The following STRIP1 variants were observed in gnomAD, a reference collection of about 807,000 sequenced individuals.
STRIP1 encodes the protein striatin interacting protein 1, also known as striatin-interacting protein 1.
STRIP1 carries 63 observed loss-of-function variants against 106.2 expected under a neutral mutation model. The ratio of observed to expected loss-of-function variants is 0.59; its 90% CI spans 0.48 to 0.73. STRIP1 has a LOEUF of 0.73. STRIP1 is among the 30% of genes least tolerant of loss of function. The pLI, the probability that STRIP1 is intolerant of heterozygous loss-of-function variation, is 0.00. For synonymous variants in STRIP1, 390 were observed against 413.0 expected, an observed-to-expected ratio of 0.94 and a Z score of 0.67; for missense variants, 857 against 1,074.8, an observed-to-expected ratio of 0.80 and a Z score of 2.83.
intron 6 of STRIP1, 37 bp from the exon 7 acceptor site, chr1:110,041,499 C>A (rs1158074169): frequency 6.5e-7 from 1 of 1,530,284 alleles, no homozygotes; most frequent in Non-Finnish European, 9.1e-7. Context: ...TTTGACCCCC[C>A]CATCCCACTC....
intron 16 of STRIP1, 78 bp downstream of exon 16, chr1:110,049,316 G>A: frequency 6.2e-7 from 1 of 1,604,504 alleles, no homozygotes; most frequent in Non-Finnish European, 8.5e-7. Flanking sequence ...CAAGAACGGG[G>A]GCCTTGGCCT....
rs369352561 is a variant in STRIP1, at chr1:110,044,179, G to T, written c.1286+323G>T. Among the ~76,000 whole-genome samples the T allele has an allele frequency of 2.5e-3, 377 of 152,358 alleles. 2 individuals carry two copies. The highest frequency in any genetic ancestry group is 8.7e-3 in the African/African-American group (363 of 41,590). ...GCAAACATGTCTCCACCCATCCTGG[G>T]GTTGTGTATGGTTTTTAACAAAAAT... On this transcript the variant is annotated intron_variant, in intron 10 of 20. Transcript: ENST00000369795.
At chr1:110,045,217 C>T in intron 12 of STRIP1, 139 bp downstream of exon 12, 1 of 682,896 alleles carries the variant, frequency 1.5e-6, no homozygotes, top group South Asian at 1.8e-5. Context: ...TTTGCAATAA[C>T]CTTGCAAACA....
chr1:110,049,227 C>T lies in STRIP1; in HGVS notation c.1777C>T (p.His593Tyr). 1 of 1,614,160 alleles carries T rather than the reference C, an allele frequency of 6.2e-7. No homozygotes were observed. The highest frequency in any genetic ancestry group is 1.7e-4 in the Middle Eastern group (1 of 6,048). ...GCTGCTCAAGCACTTTAAGTTGAAC[C>T]ATGTCTACCAGGTACCCACAGGGCT... is the stretch of plus-strand genomic sequence containing the variant. ...LLLLKHFKLN[H>Y]VYQFEYMAQH... Residue 593 changes from histidine (H) to tyrosine (Y), a missense_variant, in exon 16 of 21, where the codon CAT (histidine) becomes TAT (tyrosine). Around this residue, in one of 2 missense-constraint regions of STRIP1, gnomAD observed 750 missense variants for 989.8 expected, o/e 0.76. Coordinates refer to ENST00000369795, the MANE Select transcript of STRIP1 (RefSeq NM_033088.4).
upstream of STRIP1, chr1:110,034,515 T>A (rs1652334275): frequency 2.5e-6 from 3 of 1,220,848 alleles, no homozygotes; most frequent in East Asian, 9.5e-5. Context: ...TCAGCCAAGA[T>A]GGCTTCTAAC....
At chr1:110,047,338 T>C (rs1290749586) in intron 13 of STRIP1, among the ~76,000 whole-genome samples, 1 of 152,216 alleles carries the variant, frequency 6.6e-6, no homozygotes, top group Non-Finnish European at 1.5e-5. Flanking sequence ...ATAATACCTT[T>C]ATAGGGTTAT....
intron 17 of STRIP1, 130 bp from the exon 18 acceptor site, chr1:110,050,213 C>A: frequency 1.2e-6 from 1 of 803,136 alleles, no homozygotes; most frequent in Non-Finnish European, 2.1e-6. Flanking sequence ...GGGTGGGACA[C>A]ATCAGGTAGA....
At chr1:110,034,069 T>C (rs1022797357), upstream of STRIP1, among the ~76,000 whole-genome samples, 2 of 152,258 alleles carry the variant, frequency 1.3e-5, no homozygotes, top group African/African-American at 4.8e-5. Flanking sequence ...ATTAGTGCCA[T>C]GAACAAATTT....
At chr1:110,034,491 T>A (rs553113096), upstream of STRIP1, 18 of 850,830 alleles carry the variant, frequency 2.1e-5, no homozygotes, top group Middle Eastern at 3.4e-4. Context: ...AGACAGAATA[T>A]CGCGAGGTAT....
intron 5 of STRIP1, chr1:110,039,865 G>T (rs1242776725): frequency 7.7e-7 from 1 of 1,298,836 alleles, no homozygotes; most frequent in Non-Finnish European, 1.0e-6. Flanking sequence ...TTGGCAGGAG[G>T]CCAGGCACAA....
In STRIP1 at chr1:110,051,730, G is replaced by A. The variant is rs1485813412; in HGVS notation, c.2109G>A (p.Lys703=). The change falls in exon 20 of 21, where the codon AAG becomes AAA. Residue 703 remains lysine, a synonymous_variant. Coordinates refer to ENST00000369795, the MANE Select transcript of STRIP1 (RefSeq NM_033088.4). Reference sequence around the variant, plus strand: ...CCCCCATCTTGAAGCGGGCCCTAAAGGTGAAACAAGCCATGATGCAGCTCT... The same window carrying A: ...CCCCCATCTTGAAGCGGGCCCTAAAAGTGAAACAAGCCATGATGCAGCTCT... The part of the protein sequence containing the change: ...KSAPILKRAL[K]VKQAMMQLYV... 1 of 1,613,134 alleles carries A rather than the reference G, an allele frequency of 6.2e-7. No homozygotes were observed. Among genetic ancestry groups the A allele is most frequent in the African/African-American group, 1.3e-5 (1 of 74,996 alleles).
chr1:110,043,425 G>A (rs546458127), intron 9 of STRIP1, among the ~76,000 whole-genome samples, 155 bp downstream of exon 9: 1 of 152,314 alleles, frequency 6.6e-6, no homozygotes, highest in South Asian at 2.1e-4. Context: ...CCCCAGCTCT[G>A]GTCCAGTGTA....
intron 16 of STRIP1, 90 bp from the exon 17 acceptor site, chr1:110,049,370 T>C: frequency 1.3e-6 from 2 of 1,553,052 alleles, no homozygotes; most frequent in Non-Finnish European, 1.8e-6. Context: ...GACATGGCCC[T>C]TCAGCCAAGG....
chr1:110,048,216 T>G, intron 15 of STRIP1: 1 of 278,208 alleles, frequency 3.6e-6, no homozygotes, highest in South Asian at 4.7e-5. Context: ...GGAGGGTTAG[T>G]TTGTAGACAG....
intron 18 of STRIP1, among the ~76,000 whole-genome samples, chr1:110,050,695 G>A (rs112204410): frequency 6.6e-6 from 1 of 152,336 alleles, no homozygotes; most frequent in Non-Finnish European, 1.5e-5. Flanking sequence ...GGACTCGGCA[G>A]TAGGAGCTCT....
intron 5 of STRIP1, chr1:110,039,907 C>T: frequency 1.5e-6 from 2 of 1,293,872 alleles, no homozygotes; most frequent in Non-Finnish European, 2.0e-6. Flanking sequence ...AGTGCCTGGC[C>T]TTGCCTGTGT....
rs765002232 is a variant in STRIP1, at chr1:110,053,742, C to T, written c.2344C>T (p.Arg782Cys). ...CAACATTGAACGCTTCAACGCCCGG[C>T]GCTATGACCGGGCCCACAGCAACCC... is the stretch of plus-strand genomic sequence containing the variant. ...RANIERFNAR[R>C]YDRAHSNPDF... Residue 782 changes from arginine (R) to cysteine (C), a missense_variant, in exon 21 of 21, where the codon CGC (arginine) becomes TGC (cysteine). Physicochemically the swap from Arg to Cys is radical, Grantham distance 180 (BLOSUM62 -3). This residue lies in a region of STRIP1 where 750 missense variants were observed against 989.8 expected (regional missense o/e 0.76). Transcript: ENST00000369795. The T allele has an allele frequency of 5.0e-6, 8 of 1,614,068 alleles. No homozygotes were observed. The highest frequency in any genetic ancestry group is 2.2e-5 in the East Asian group (1 of 44,852).
chr1:110,045,268 TG>T (rs1652967714), intron 12 of STRIP1, 190 bp downstream of exon 12: 1 of 581,072 alleles, frequency 1.7e-6, no homozygotes, highest in Non-Finnish European at 3.1e-6. Context: ...AAGTTTTACT[TG>T]TTTTAGCTGA....
At chr1:110,051,567 T>C (rs1653304349) in intron 19 of STRIP1, 116 bp from the exon 20 acceptor site, 2 of 1,029,990 alleles carry the variant, frequency 1.9e-6, no homozygotes, top group Non-Finnish European at 1.4e-6. Context: ...CAAGGGAAAC[T>C]GGGATGGTTT....
Sources: allele counts gnomAD v4.1 joint callset (sites outside exome capture counted in the v4.1 genomes callset), GRCh38; gene constraint gnomAD v4.1.1; regional missense constraint gnomAD v4.1.1; transcripts MANE v1.5; gene names NCBI Gene and HGNC (gene_info 2026-07-23, HGNC 2026-07-21).